GRIK2: variants seen among roughly 807,000 people sequenced by gnomAD.
The protein encoded by GRIK2 is glutamate receptor ionotropic, kainate 2.
GRIK2 carries 32 observed loss-of-function variants against 100.3 expected under a neutral mutation model. The ratio of observed to expected loss-of-function variants is 0.32; its 90% confidence interval spans 0.24 to 0.43. GRIK2 has a LOEUF of 0.43. Ranked by LOEUF, GRIK2 falls within the 20% of genes least tolerant of loss-of-function variation. The pLI is 1.00. For synonymous variants in GRIK2, 417 were observed against 389.4 expected (o/e 1.07, Z -0.83); for missense variants, 843 against 1,114.9 (o/e 0.76, Z 3.47).
chr6:101,396,699 G>A (rs1775023715), intron 1 of GRIK2, among the ~76,000 whole-genome samples: 1 of 152,070 alleles, frequency 6.6e-6, no homozygotes. Context: ...GTTATTTATT[G>A]TGCTACTTTC....
chr6:101,930,524 A>G (rs1790201785), intron 14 of GRIK2, among the ~76,000 whole-genome samples: 1 of 151,952 alleles, frequency 6.6e-6, no homozygotes, highest in Non-Finnish European at 1.5e-5. Context: ...CTAACACAAA[A>G]ATTTGACACC....
chr6:101,667,176 C>T (rs140861746), intron 4 of GRIK2, among the ~76,000 whole-genome samples: 35 of 152,126 alleles, frequency 2.3e-4, no homozygotes, highest in African/African-American at 6.7e-4. Flanking sequence ...GGGTTTCAGC[C>T]GCTCTCCATG....
chr6:101,935,928 A>G (rs546225245), intron 14 of GRIK2, among the ~76,000 whole-genome samples: 1 of 152,184 alleles, frequency 6.6e-6, no homozygotes, highest in Non-Finnish European at 1.5e-5. Flanking sequence ...TAATATACTT[A>G]GGCTTCTAAG....
At chr6:101,865,696 G>A (rs1039601590) in intron 11 of GRIK2, among the ~76,000 whole-genome samples, 3 of 152,004 alleles carry the variant, frequency 2.0e-5, no homozygotes, top group African/African-American at 7.2e-5. Context: ...AGACCAGCCT[G>A]GCCAACATGG....
intron 15 of GRIK2, among the ~76,000 whole-genome samples, chr6:102,040,158 A>G (rs1445624340): frequency 6.6e-6 from 1 of 151,582 alleles, no homozygotes; most frequent in Non-Finnish European, 1.5e-5. Flanking sequence ...CACACTATAC[A>G]TGAAGAATGT....
At chr6:101,970,660 T>C (rs984692891) in intron 14 of GRIK2, among the ~76,000 whole-genome samples, 25 of 151,912 alleles carry the variant, frequency 1.6e-4, no homozygotes, top group Non-Finnish European at 3.5e-4. Flanking sequence ...GGGCATGTCT[T>C]ATGGAAAGCT....
rs141745898 is a variant in GRIK2, at chr6:101,823,693, A to C, written c.1317+5210A>C. ...TACAATTTTTGAGCAAGTAGTAGAG[A>C]GATTTTAAAGTATAACGTGCTAAAC... On this transcript the variant is annotated intron_variant, in intron 10 of 16. Coordinates refer to ENST00000369134, the MANE Select transcript of GRIK2 (RefSeq NM_021956.5). Among the ~76,000 whole-genome samples, 275 of 152,232 alleles carry C rather than the reference A, an allele frequency of 1.8e-3. 5 individuals carry two copies. The East Asian group carries it at 0.05, about 28-fold the overall frequency.
At chr6:101,518,915 T>C (rs1222772281) in intron 2 of GRIK2, among the ~76,000 whole-genome samples, 1 of 152,170 alleles carries the variant, frequency 6.6e-6, no homozygotes, top group East Asian at 1.9e-4. Context: ...TAAATGCTGA[T>C]TTTTAAACAA....
chr6:101,999,056 C>T (rs923676086), intron 14 of GRIK2, among the ~76,000 whole-genome samples: 7 of 151,934 alleles, frequency 4.6e-5, no homozygotes, highest in East Asian at 1.9e-4. Context: ...TCAGGTGATC[C>T]GCCTGCCTCA....
chr6:101,669,578 C>G (rs1348246342), intron 4 of GRIK2, among the ~76,000 whole-genome samples: 1 of 151,966 alleles, frequency 6.6e-6, no homozygotes, highest in Non-Finnish European at 1.5e-5. Context: ...TGATGAGTTG[C>G]AAAGAGAAGA....
At chr6:101,627,007 C>G (rs1039301689) in intron 4 of GRIK2, among the ~76,000 whole-genome samples, 15 of 151,850 alleles carry the variant, frequency 9.9e-5, no homozygotes. Context: ...GAATTCCAGT[C>G]ATTTAAAAAG....
At chr6:101,494,711 G>T (rs908091922) in intron 2 of GRIK2, among the ~76,000 whole-genome samples, 1 of 150,428 alleles carries the variant, frequency 6.6e-6, no homozygotes, top group Non-Finnish European at 1.5e-5. Context: ...TGAGCAGATC[G>T]CCTGAGCTCG....
At chr6:101,960,048 G>GTTTTTTTTTTTTTTTTTTTTTTTTTT (rs3029100) in intron 14 of GRIK2, among the ~76,000 whole-genome samples, 7 of 118,266 alleles carry the variant, frequency 5.9e-5, no homozygotes, top group East Asian at 2.5e-4. Context: ...TTTTTTTAGT[G>GTTTTTTTTTTTTTTTTTTTTTTTTTT]TTTTGTTTTT....
chr6:101,412,103 T>C (rs1355905179), intron 2 of GRIK2, among the ~76,000 whole-genome samples: 1 of 151,906 alleles, frequency 6.6e-6, no homozygotes, highest in African/African-American at 2.4e-5. Flanking sequence ...TCTTGGACAA[T>C]ACCATGGCAC....
At chr6:101,523,717 A>C (rs1775000709) in intron 2 of GRIK2, among the ~76,000 whole-genome samples, 1 of 133,312 alleles carries the variant, frequency 7.5e-6, no homozygotes, top group African/African-American at 2.6e-5. Context: ...ATGACTCCTA[A>C]GTCTTTTTTT....
intron 2 of GRIK2, among the ~76,000 whole-genome samples, chr6:101,501,843 C>T (rs772828282): frequency 1.1e-4 from 17 of 152,166 alleles, no homozygotes; most frequent in African/African-American, 3.4e-4. Flanking sequence ...CTGCAACCTC[C>T]GTCTCCTGGG....
intron 2 of GRIK2, among the ~76,000 whole-genome samples, chr6:101,574,554 T>C (rs9386285): frequency 6.0e-4 from 91 of 151,352 alleles, no homozygotes; most frequent in East Asian, 3.5e-3. Flanking sequence ...GGCAAAAAAA[T>C]TGACGAATTG....
chr6:101,811,640 A>G (rs1435955974), intron 9 of GRIK2, among the ~76,000 whole-genome samples: 3 of 151,998 alleles, frequency 2.0e-5, no homozygotes, highest in Non-Finnish European at 4.4e-5. Flanking sequence ...CATAAATTTC[A>G]TAGAAAATAA....
At chr6:101,763,690 T>C (rs1215243824) in intron 7 of GRIK2, among the ~76,000 whole-genome samples, 1 of 152,220 alleles carries the variant, frequency 6.6e-6, no homozygotes, top group African/African-American at 2.4e-5. Context: ...AACATATTCC[T>C]GTTAATTCAT....
Sources: allele counts gnomAD v4.1 joint callset (sites outside exome capture counted in the v4.1 genomes callset), GRCh38; gene constraint gnomAD v4.1.1; transcripts MANE v1.5; gene names NCBI Gene and HGNC (gene_info 2026-07-23, HGNC 2026-07-21).